CPNE4: variants seen among roughly 807,000 people sequenced by gnomAD.
The protein encoded by CPNE4 is copine 4, also known as copine-4.
CPNE4 carries 25 observed loss-of-function variants against 67.9 expected under a neutral mutation model. The ratio of observed to expected loss-of-function variants is 0.37; its 90% CI spans 0.27 to 0.51. The LOEUF (loss-of-function observed/expected upper bound fraction) is 0.51. Among genes scored for constraint, CPNE4 ranks in the 20% least tolerant of loss-of-function variants. The probability of loss-of-function intolerance (pLI) is 0.93; values close to 1 mark genes in which losing one functional copy is unlikely to be tolerated. For missense variants in CPNE4, 464 were observed against 690.8 expected, an observed-to-expected ratio of 0.67 and a Z score of 3.68; for synonymous variants, 242 against 244.9, an observed-to-expected ratio of 0.99 and a Z score of 0.11.
intron 1 of CPNE4, among the ~76,000 whole-genome samples, chr3:132,026,911 C>G (rs972886008): frequency 6.6e-6 from 1 of 152,134 alleles, no homozygotes; most frequent in African/African-American, 2.4e-5. Flanking sequence ...CAAAGCAAAA[C>G]AGCTATTAAG....
chr3:131,990,719 A>G (rs2107649431), intron 1 of CPNE4, among the ~76,000 whole-genome samples: 1 of 135,872 alleles, frequency 7.4e-6, no homozygotes, highest in African/African-American at 2.5e-5. Context: ...TTTCTGTCCT[A>G]GTGTAACTTA....
At chr3:131,609,099 C>T (rs1472434702) in intron 7 of CPNE4, among the ~76,000 whole-genome samples, 2 of 152,048 alleles carry the variant, frequency 1.3e-5, no homozygotes, top group African/African-American at 2.4e-5. Flanking sequence ...TGTACTTTTC[C>T]TTCATTGCAC....
intron 2 of CPNE4, among the ~76,000 whole-genome samples, chr3:131,864,331 C>T (rs528856649): frequency 2.6e-5 from 4 of 152,076 alleles, no homozygotes; most frequent in Non-Finnish European, 5.9e-5. Context: ...ATTCTTCCTA[C>T]CCATGATCAT....
At chr3:131,576,460 T>C (rs1193024319) in intron 9 of CPNE4, among the ~76,000 whole-genome samples, 4 of 152,134 alleles carry the variant, frequency 2.6e-5, no homozygotes, top group Non-Finnish European at 4.4e-5. Context: ...AACCATTGAA[T>C]CTAGATCTTT....
chr3:131,866,254 T>C (rs993098479), intron 2 of CPNE4, among the ~76,000 whole-genome samples: 1 of 152,134 alleles, frequency 6.6e-6, no homozygotes, highest in Admixed American at 6.5e-5. Context: ...ACAACAGTGA[T>C]GCAAACTCAT....
chr3:131,998,683 G>A (rs993610749), intron 1 of CPNE4, among the ~76,000 whole-genome samples: 16 of 151,104 alleles, frequency 1.1e-4, no homozygotes, highest in African/African-American at 3.7e-4. Context: ...TTCATAGTGG[G>A]CATTTACTAG....
chr3:131,853,327 C>T (rs1005304252), intron 2 of CPNE4, among the ~76,000 whole-genome samples: 1 of 151,588 alleles, frequency 6.6e-6, no homozygotes, highest in East Asian at 1.9e-4. Context: ...TGGAAAAAAG[C>T]GTAAAAATAT....
chr3:131,905,234 G>A lies in CPNE4; in HGVS notation c.180+30C>T, dbSNP rs530619732. 63 of 1,559,794 alleles carry A rather than the reference G, an allele frequency of 4.0e-5. No individual in the cohort carries two copies. The South Asian group carries it at 6.0e-4, about 15-fold the overall frequency. On this transcript the variant is annotated intron_variant, in intron 2 of 15. Coordinates refer to ENST00000429747, the MANE Select transcript of CPNE4 (RefSeq NM_130808.3). ...ATTTTTGAGCCAATCATCCAGCCAT[G>A]GTTCTGTCCATTTCATTGGACATGC...
chr3:131,984,359 GATTTTAATTCACCA>G (rs1467120649), intron 1 of CPNE4, among the ~76,000 whole-genome samples: 1 of 152,118 alleles, frequency 6.6e-6, no homozygotes, highest in Non-Finnish European at 1.5e-5. Context: ...GGTTTCTTGT[GATTTTAATTCACCA>G]AAAAGAGCAG....
intron 2 of CPNE4, among the ~76,000 whole-genome samples, chr3:131,766,432 G>T (rs1402964405): frequency 2.6e-5 from 4 of 152,238 alleles, no homozygotes; most frequent in African/African-American, 9.6e-5. Flanking sequence ...ATTTATAACA[G>T]AAATAGATAG....
chr3:131,871,421 C>T (rs982370428), intron 2 of CPNE4, among the ~76,000 whole-genome samples: 4 of 152,012 alleles, frequency 2.6e-5, no homozygotes, highest in Non-Finnish European at 5.9e-5. Context: ...ATTTCAGCAC[C>T]GAGAATGCTC....
rs986181372 is a variant in CPNE4 at position 131,533,946 on chromosome 3, G to A, written c.*1249C>T. On this transcript the variant is annotated 3_prime_UTR_variant, in exon 16 of 16. Transcript: ENST00000429747. Reference sequence around the variant, plus strand: ...AGCTTATATTGAAACAAAACACCTCGACCCCAGACAATAATTCCAGGCATT... The same window carrying A: ...AGCTTATATTGAAACAAAACACCTCAACCCCAGACAATAATTCCAGGCATT... 6.6e-6 allele frequency: 1 copy of A among 152,038 alleles called. No homozygotes were observed. Among genetic ancestry groups the A allele is most frequent in the South Asian group, 2.1e-4 (1 of 4,818 alleles). 9.4% of individuals were successfully genotyped at this position (152,038 alleles called of 1,614,324 possible). A position where few individuals can be genotyped will look rare whatever the true frequency, so the allele number is the denominator to read the frequency against.
intron 2 of CPNE4, among the ~76,000 whole-genome samples, chr3:131,860,794 CA>C (rs1343066742): frequency 6.6e-5 from 10 of 152,144 alleles, no homozygotes; most frequent in Admixed American, 6.6e-4. Context: ...AACAATGACA[CA>C]AGTAAACCAC....
At chr3:131,685,152 G>A (rs1157995883) in intron 6 of CPNE4, among the ~76,000 whole-genome samples, 1 of 151,746 alleles carries the variant, frequency 6.6e-6, no homozygotes, top group Non-Finnish European at 1.5e-5. Flanking sequence ...CCTCCTTAAA[G>A]TTCAGTTTCT....
At chr3:131,904,117 T>C (rs1252213859) in intron 2 of CPNE4, among the ~76,000 whole-genome samples, 1 of 152,166 alleles carries the variant, frequency 6.6e-6, no homozygotes. Flanking sequence ...AGCAGCTGCC[T>C]TGCACAAGCA....
intron 2 of CPNE4, among the ~76,000 whole-genome samples, chr3:131,874,122 T>A (rs932207416): frequency 6.6e-6 from 1 of 151,250 alleles, no homozygotes; most frequent in East Asian, 1.9e-4. Flanking sequence ...GGAATTTCGC[T>A]CTGTCGCCCA....
chr3:131,848,385 C>G (rs1208907966), intron 2 of CPNE4, among the ~76,000 whole-genome samples: 1 of 152,158 alleles, frequency 6.6e-6, no homozygotes, highest in East Asian at 1.9e-4. Context: ...TTTATCTCAT[C>G]ACACTAGTCC....
chr3:131,577,985 C>T (rs963367845), intron 9 of CPNE4, among the ~76,000 whole-genome samples: 9 of 151,884 alleles, frequency 5.9e-5, no homozygotes, highest in Non-Finnish European at 1.2e-4. Context: ...TTCATAAGTT[C>T]AAAAAATTAT....
chr3:132,023,531 A>G (rs1389842098), intron 1 of CPNE4, among the ~76,000 whole-genome samples: 3 of 111,912 alleles, frequency 2.7e-5, no homozygotes, highest in Non-Finnish European at 4.9e-5. Context: ...TCTGTCGCCC[A>G]GGCTGGAGTG....
Sources: allele counts gnomAD v4.1 joint callset (sites outside exome capture counted in the v4.1 genomes callset), GRCh38; gene constraint gnomAD v4.1.1; transcripts MANE v1.5; gene names NCBI Gene and HGNC (gene_info 2026-07-23, HGNC 2026-07-21).